STX8: variants seen among roughly 807,000 people sequenced by gnomAD.
The protein encoded by STX8 is syntaxin 8.
A neutral mutation model predicts 37.5 loss-of-function variants in STX8; 23 were observed. The observed-to-expected ratio is 0.61, with a 90% CI of 0.44 to 0.87. STX8 has a LOEUF of 0.87. STX8 is among the 40% of genes least tolerant of loss of function. The pLI is 0.00. For synonymous variants in STX8, 115 were observed against 99.1 expected, an observed-to-expected ratio of 1.16 and a Z score of -0.95; for missense variants, 313 against 284.7, an observed-to-expected ratio of 1.10 and a Z score of -0.71.
rs539592860 is a variant in STX8, at chr17:9,542,952, A to G, written c.323+2220T>C. Among the ~76,000 whole-genome samples, 12 of 152,288 alleles carry G rather than the reference A, an allele frequency of 7.9e-5. No individual in the cohort carries two copies. In the South Asian group the frequency reaches 2.5e-3, roughly 32 times the overall value. On this transcript the variant is annotated intron_variant, in intron 4 of 7. Transcript: ENST00000306357. ...GGCAGGCAAGCGGGGACCAAAAACT[A>G]ACAAAACAAACAAGGACCTGGTGGG...
chr17:9,421,873 T>C (rs1453618331), intron 6 of STX8, among the ~76,000 whole-genome samples: 4 of 152,074 alleles, frequency 2.6e-5, no homozygotes, highest in Non-Finnish European at 5.9e-5. Context: ...ACTTCCCCCA[T>C]GCTGTTCCAA....
intron 6 of STX8, among the ~76,000 whole-genome samples, chr17:9,380,189 G>A (rs1053423890): frequency 3.3e-5 from 5 of 151,128 alleles, no homozygotes; most frequent in Admixed American, 2.0e-4. Context: ...ATTTCTAGAT[G>A]GTGGGATCCT....
At chr17:9,575,713 C>A (rs1907884455) in intron 1 of STX8, 79 bp downstream of exon 1, 14 of 1,513,926 alleles carry the variant, frequency 9.2e-6, no homozygotes, top group Middle Eastern at 2.1e-4. Flanking sequence ...AGCGGCAATG[C>A]GAAGTGATTG....
intron 4 of STX8, among the ~76,000 whole-genome samples, chr17:9,512,613 C>A (rs1173496674): frequency 6.6e-6 from 1 of 152,118 alleles, no homozygotes; most frequent in East Asian, 1.9e-4. Context: ...CAGGCACACG[C>A]CACCACACTC....
chr17:9,573,310 G>C (rs1186434443), intron 1 of STX8, among the ~76,000 whole-genome samples: 2 of 152,070 alleles, frequency 1.3e-5, no homozygotes, highest in African/African-American at 4.8e-5. Context: ...TCTAAAGCCT[G>C]CTACCCAGAG....
At chr17:9,329,427 C>T (rs559594685) in intron 7 of STX8, among the ~76,000 whole-genome samples, 17 of 152,340 alleles carry the variant, frequency 1.1e-4, no homozygotes, top group Admixed American at 1.0e-3. Flanking sequence ...TCTGGCATCA[C>T]GGCTATTTCT....
Position 9,274,754 on chromosome 17 carries a change from T to TC in STX8, c.644-24110_644-24109insG, listed in dbSNP as rs1907610086. 1.6e-5 allele frequency among the ~76,000 whole-genome samples: 2 copies of TC among 124,630 alleles called. 1 individual carries two copies. The highest frequency in any genetic ancestry group is 6.1e-4 in the South Asian group (2 of 3,282). 81.8% of individuals were successfully genotyped at this position (124,630 alleles called of 152,430 possible). ...AAAATACAACAATTTCTTTTTTCTTTTTTTTTTTTTTTTTTGAGACGGAGT... is the reference window on the plus strand; with the variant it reads ...AAAATACAACAATTTCTTTTTTCTTTCTTTTTTTTTTTTTTTGAGACGGAGT... On this transcript the variant is annotated intron_variant, in intron 7 of 7. Transcript: ENST00000306357.
intron 6 of STX8, among the ~76,000 whole-genome samples, chr17:9,385,854 A>G (rs901242950): frequency 6.6e-6 from 1 of 152,094 alleles, no homozygotes; most frequent in Non-Finnish European, 1.5e-5. Flanking sequence ...GCTCACTGCA[A>G]CCTCCGCTTC....
intron 7 of STX8, among the ~76,000 whole-genome samples, chr17:9,359,104 G>A (rs1310504156): frequency 1.9e-4 from 29 of 151,160 alleles, no homozygotes; most frequent in Admixed American, 1.3e-3. Flanking sequence ...GTGCAATGGC[G>A]CAATCTTGGC....
intron 7 of STX8, among the ~76,000 whole-genome samples, chr17:9,282,225 C>T (rs575710959): frequency 6.6e-6 from 1 of 152,172 alleles, no homozygotes; most frequent in South Asian, 2.1e-4. Context: ...TTTGGCTTCC[C>T]GGGTTCACGC....
intron 5 of STX8, among the ~76,000 whole-genome samples, chr17:9,497,194 A>G (rs1027943384): frequency 6.6e-6 from 1 of 152,198 alleles, no homozygotes; most frequent in Non-Finnish European, 1.5e-5. Context: ...AAGAACCTGT[A>G]TATTAAAGAA....
At chr17:9,503,787 G>A (rs1049374134) in intron 5 of STX8, among the ~76,000 whole-genome samples, 4 of 152,072 alleles carry the variant, frequency 2.6e-5, no homozygotes, top group Non-Finnish European at 5.9e-5. Context: ...CTTTGAGATG[G>A]AGTCTCACTC....
At position 9,416,374 on chromosome 17, in the gene STX8, A is replaced by AT. The variant is rs535117460; in HGVS notation, c.542-37722dup. Among the ~76,000 whole-genome samples the AT allele has an allele frequency of 2.6e-3, 375 of 145,718 alleles. 1 individual carries two copies. The highest frequency in any genetic ancestry group is 7.3e-3 in the Middle Eastern group (2 of 274). On this transcript the variant is annotated intron_variant, in intron 6 of 7. Transcript: ENST00000306357. Reference sequence around the variant, plus strand: ...TGGGAGGAATTTAGTTTGTAGTTTAATTTTTTTTTTTTTAAGATGGAGTCT... The same window carrying AT: ...TGGGAGGAATTTAGTTTGTAGTTTAATTTTTTTTTTTTTTAAGATGGAGTCT...
Position 9,451,442 on chromosome 17 carries a change from A to C in STX8, c.541+40387T>G, listed in dbSNP as rs192890396. Among the ~76,000 whole-genome samples, 204 of 152,318 alleles carry C rather than the reference A, an allele frequency of 1.3e-3. 1 individual carries two copies. Among genetic ancestry groups the C allele is most frequent in the Non-Finnish European group, 2.1e-3 (146 of 68,024 alleles). ...AGCACTAATTCCCTTTGGAAACCAT[A>C]GTTTTTAAAATTTTTCTAAATAAAA... is the stretch of plus-strand genomic sequence containing the variant. On this transcript the variant is annotated intron_variant, in intron 6 of 7. Coordinates refer to ENST00000306357, the MANE Select transcript of STX8 (RefSeq NM_004853.3).
At chr17:9,475,568 C>T (rs1047055377) in intron 6 of STX8, among the ~76,000 whole-genome samples, 1 of 152,188 alleles carries the variant, frequency 6.6e-6, no homozygotes, top group East Asian at 1.9e-4. Context: ...CCGGAACAGC[C>T]TTCTCTGGAG....
chr17:9,565,152 G>A (rs1907403354), intron 2 of STX8, among the ~76,000 whole-genome samples: 1 of 152,226 alleles, frequency 6.6e-6, no homozygotes, highest in African/African-American at 2.4e-5. Flanking sequence ...AGGTTGCAGT[G>A]AGCCAGGATC....
chr17:9,297,246 A>G (rs560215708), intron 7 of STX8, among the ~76,000 whole-genome samples: 117 of 151,184 alleles, frequency 7.7e-4, no homozygotes, highest in Middle Eastern at 3.4e-3. Flanking sequence ...GTTTGCAAAA[A>G]AAAAAAAAAA....
At chr17:9,480,313 G>A (rs8075883) in intron 6 of STX8, among the ~76,000 whole-genome samples, 3,786 of 152,136 alleles carry the variant, frequency 0.025, 138 homozygotes, top group African/African-American at 0.084. Context: ...TACTGAGGAA[G>A]GAAATATATT....
intron 7 of STX8, among the ~76,000 whole-genome samples, chr17:9,290,354 G>T (rs1373264663): frequency 1.3e-5 from 2 of 152,158 alleles, no homozygotes; most frequent in African/African-American, 4.8e-5. Flanking sequence ...CAGGATGGGG[G>T]TGAGTGCCAC....
Sources: allele counts gnomAD v4.1 joint callset (sites outside exome capture counted in the v4.1 genomes callset), GRCh38; gene constraint gnomAD v4.1.1; transcripts MANE v1.5; gene names NCBI Gene and HGNC (gene_info 2026-07-23, HGNC 2026-07-21).